The following FRMPD1 variants were observed in gnomAD, a reference collection of about 807,000 sequenced individuals.
FRMPD1 encodes FERM and PDZ domain containing 1, also known as FERM and PDZ domain-containing protein 1.
In FRMPD1, 76 loss-of-function variants were observed where a neutral mutation model predicts 117.8. That is an observed-to-expected ratio of 0.65 (90% confidence interval 0.54 to 0.78). The LOEUF (loss-of-function observed/expected upper bound fraction) is 0.78, where lower values mean the gene tolerates loss of function less well. FRMPD1 is among the 30% of genes least tolerant of loss of function. The pLI is 0.00. For missense variants in FRMPD1, 1,786 were observed against 1,964.5 expected (o/e 0.91, Z 1.72); for synonymous variants, 783 against 770.4 (o/e 1.02, Z -0.27).
chr9:37,636,040 T>A, the FRMPD1 span, among the ~76,000 whole-genome samples: 1 of 152,052 alleles, frequency 6.6e-6, no homozygotes, highest in Non-Finnish European at 1.5e-5. Flanking sequence ...GGAGCAGACT[T>A]TCTCCAGGCT....
At chr9:37,665,024 A>G (rs1286907335) in intron 1 of FRMPD1, among the ~76,000 whole-genome samples, 1 of 152,252 alleles carries the variant, frequency 6.6e-6, no homozygotes, top group Non-Finnish European at 1.5e-5. Flanking sequence ...TAATACAGAC[A>G]TCGAAAATAA....
the FRMPD1 span, among the ~76,000 whole-genome samples, chr9:37,605,886 A>T: frequency 1.6e-4 from 25 of 152,058 alleles, no homozygotes; most frequent in Admixed American, 4.6e-4. Context: ...TTTAAATTTT[A>T]TGTAGAAGCA....
At chr9:37,638,024 C>CTTTCTT in the FRMPD1 span, among the ~76,000 whole-genome samples, 226 of 95,834 alleles carry the variant, frequency 2.4e-3, 3 homozygotes, top group East Asian at 3.9e-3. Context: ...TTCTTTCTTT[C>CTTTCTT]TCTCTCTTTC....
intron 1 of FRMPD1, among the ~76,000 whole-genome samples, chr9:37,664,214 C>T (rs566458063): frequency 1.3e-5 from 2 of 151,838 alleles, no homozygotes; most frequent in South Asian, 4.2e-4. Flanking sequence ...AGCAGGGAGA[C>T]CACTGGGCTG....
intron 5 of FRMPD1, among the ~76,000 whole-genome samples, 191 bp from the exon 6 acceptor site, chr9:37,718,878 C>G (rs566958813): frequency 6.6e-6 from 1 of 152,126 alleles, no homozygotes. Context: ...CTCAGGTACA[C>G]GAGAACATTA....
At chr9:37,731,583 C>A (rs1292041813) in intron 9 of FRMPD1, among the ~76,000 whole-genome samples, 2 of 152,220 alleles carry the variant, frequency 1.3e-5, no homozygotes, top group Admixed American at 6.5e-5. Context: ...GAAAAATAAT[C>A]ATTTGGAGCC....
chr9:37,627,089 T>C, the FRMPD1 span, among the ~76,000 whole-genome samples: 144,061 of 152,132 alleles, frequency 0.95, 68,720 homozygotes, highest in East Asian at 1. Context: ...TTCCCAGAGC[T>C]GTTTCTTTCA....
the FRMPD1 span, among the ~76,000 whole-genome samples, chr9:37,629,519 G>T: frequency 6.6e-6 from 1 of 152,122 alleles, no homozygotes; most frequent in Non-Finnish European, 1.5e-5. Flanking sequence ...TTGTAGGCAC[G>T]CCAATTGCAT....
chr9:37,657,717 G>A (rs960834036), intron 1 of FRMPD1, among the ~76,000 whole-genome samples: 12 of 152,210 alleles, frequency 7.9e-5, no homozygotes, highest in Admixed American at 2.6e-4. Context: ...CTTAGTGAGA[G>A]TGTGCCTTGT....
At position 37,721,765 on chromosome 9, in the gene FRMPD1, T is replaced by C. The variant is rs150993574; in HGVS notation, c.517-2460T>C. On this transcript the variant is annotated intron_variant, in intron 6 of 15. Transcript: ENST00000377765. ...TGCTCAATTGTCTAGGGCAGAGGAA[T>C]TGTGAAATCAGTTCTGATATTTCAA... Among the ~76,000 whole-genome samples, 650 of 152,308 alleles carry C rather than the reference T, an allele frequency of 4.3e-3. 6 individuals carry two copies. The highest frequency in any genetic ancestry group is 0.015 in the African/African-American group (637 of 41,558).
chr9:37,641,187 C>T, the FRMPD1 span, among the ~76,000 whole-genome samples: 1 of 152,176 alleles, frequency 6.6e-6, no homozygotes, highest in Non-Finnish European at 1.5e-5. Flanking sequence ...TTTATGGAAA[C>T]TTCCTTTGCA....
At position 37,744,670 on chromosome 9, in the gene FRMPD1, C is replaced by G. The variant is rs1360388844; in HGVS notation, c.2638C>G (p.Pro880Ala). 1.2e-6 allele frequency: 2 copies of G among 1,613,946 alleles called. No homozygotes were observed. The highest frequency in any genetic ancestry group is 2.7e-5 in the African/African-American group (2 of 74,918). Residue 880 changes from proline to alanine, a missense_variant, in exon 16 of 16, where the codon CCC (proline) becomes GCC (alanine). Transcript: ENST00000377765. The stretch of plus-strand genomic sequence containing the variant: ...GGAGCCCTACCTGGCCCTTGGTGCA[C>G]CCTCCCCAACTGTGTCCTCTCTGCA... ...DREPYLALGA[P>A]SPTVSSLQDM...
intron 1 of FRMPD1, chr9:37,662,021 G>A (rs1821016794): frequency 6.5e-6 from 1 of 153,316 alleles, no homozygotes; most frequent in African/African-American, 2.4e-5. Context: ...TGGGGTGACA[G>A]ATGTCACAGC....
At chr9:37,701,746 C>T (rs1822541525) in intron 2 of FRMPD1, among the ~76,000 whole-genome samples, 1 of 152,056 alleles carries the variant, frequency 6.6e-6, no homozygotes, top group African/African-American at 2.4e-5. Flanking sequence ...TCAGGGGAAA[C>T]ACATGAACAG....
the FRMPD1 span, among the ~76,000 whole-genome samples, chr9:37,642,623 C>T: frequency 6.6e-6 from 1 of 152,130 alleles, no homozygotes; most frequent in East Asian, 1.9e-4. Context: ...TTGTGGGATC[C>T]ATAATTCCAG....
Position 37,719,146 on chromosome 9 carries a change from T to TGAA in FRMPD1, c.491_493dup (p.Glu164dup). 1.9e-6 allele frequency: 3 copies of TGAA among 1,611,834 alleles called. No homozygotes were observed. The highest frequency in any genetic ancestry group is 2.5e-6 in the Non-Finnish European group (3 of 1,177,840). ...CCAACCCCGTGAAGGTGCACTTTGC[T>TGAA]GAAGAAGTGCTCATCAGTGGACACA... On this transcript the variant is annotated inframe_insertion, in exon 6 of 16. Coordinates refer to ENST00000377765, the MANE Select transcript of FRMPD1 (RefSeq NM_014907.3).
chr9:37,692,111 A>G (rs13301493), intron 1 of FRMPD1, among the ~76,000 whole-genome samples: 9,083 of 152,314 alleles, frequency 0.06, 310 homozygotes, highest in Non-Finnish European at 0.068. Context: ...TACAGTAACT[A>G]TCTTTTTTAT....
At chr9:37,650,232 TC>T (rs978640292), upstream of FRMPD1, among the ~76,000 whole-genome samples, 2 of 152,238 alleles carry the variant, frequency 1.3e-5, no homozygotes, top group Non-Finnish European at 2.9e-5. Context: ...GGTATCATGC[TC>T]AGAGAGGCGG....
At position 37,731,053 on chromosome 9, in the gene FRMPD1, C is replaced by T; in HGVS notation, c.808C>T (p.Leu270=). 1 of 1,613,444 alleles carries T rather than the reference C, an allele frequency of 6.2e-7. No individual in the cohort carries two copies. The highest frequency in any genetic ancestry group is 8.5e-7 in the Non-Finnish European group (1 of 1,179,340). The change falls in exon 9 of 16, where the codon CTG becomes TTG. Residue 270 remains leucine, a synonymous_variant. Coordinates refer to ENST00000377765, the MANE Select transcript of FRMPD1 (RefSeq NM_014907.3). ...GGTCTGTTTTGTTCCCAAGGACCCC[C>T]TGGACCTCCTGAAAGAAGACCCCGT... is the stretch of plus-strand genomic sequence containing the variant. ...FRVCFVPKDP[L]DLLKEDPVAF...
Sources: gnomAD v4.1 joint callset for allele counts (sites outside exome capture counted in the v4.1 genomes callset) on GRCh38, gnomAD v4.1.1 for gene constraint, MANE v1.5 for transcripts, NCBI Gene and HGNC (gene_info 2026-07-23, HGNC 2026-07-21) for gene names.